COL23A1: variants seen among roughly 807,000 people sequenced by gnomAD.
COL23A1 encodes the protein collagen alpha-1(XXIII) chain.
In COL23A1, 97 loss-of-function variants were observed where a neutral mutation model predicts 99.3. The ratio of observed to expected loss-of-function variants is 0.98; its 90% CI spans 0.83 to 1.16. The LOEUF (loss-of-function observed/expected upper bound fraction) is 1.16, where lower values mean the gene tolerates loss of function less well. COL23A1 is among the 50% of genes most tolerant of loss of function. The pLI is 0.00. For missense variants in COL23A1, 762 were observed against 757.4 expected (o/e 1.01, Z -0.07); for synonymous variants, 320 against 308.2 (o/e 1.04, Z -0.40).
intron 1 of COL23A1, among the ~76,000 whole-genome samples, chr5:178,580,856 C>T (rs1208354409): frequency 6.6e-6 from 1 of 152,162 alleles, no homozygotes; most frequent in East Asian, 1.9e-4. Context: ...AATAACTTTA[C>T]AAATTAGCCA....
At chr5:178,467,259 G>A (rs1756471523) in intron 2 of COL23A1, among the ~76,000 whole-genome samples, 1 of 152,192 alleles carries the variant, frequency 6.6e-6, no homozygotes, top group South Asian at 2.1e-4. Context: ...CCTTTGGGAA[G>A]GTCTGGGACG....
chr5:178,433,315 A>G (rs1163649859), intron 2 of COL23A1, among the ~76,000 whole-genome samples: 1 of 152,118 alleles, frequency 6.6e-6, no homozygotes, highest in Non-Finnish European at 1.5e-5. Flanking sequence ...TACATTTACC[A>G]GCTTAGAAAG....
intron 2 of COL23A1, among the ~76,000 whole-genome samples, chr5:178,446,545 T>A (rs1359754830): frequency 5.3e-5 from 8 of 152,044 alleles, no homozygotes; most frequent in East Asian, 3.9e-4. Flanking sequence ...GGAGAAAAAA[T>A]TTTTTTTCTA....
intron 2 of COL23A1, among the ~76,000 whole-genome samples, chr5:178,471,272 G>A (rs187640971): frequency 2.2e-3 from 331 of 152,094 alleles, no homozygotes; most frequent in African/African-American, 7.6e-3. Flanking sequence ...ACAGAGTCTC[G>A]CTCTTGTCAC....
chr5:178,305,998 C>T (rs111749691), intron 3 of COL23A1, among the ~76,000 whole-genome samples: 13 of 151,810 alleles, frequency 8.6e-5, no homozygotes, highest in African/African-American at 2.2e-4. Context: ...CTCGGGGACC[C>T]GGAGGAGAGG....
chr5:178,399,737 AG>A (rs1259645106), intron 2 of COL23A1, among the ~76,000 whole-genome samples: 1 of 152,220 alleles, frequency 6.6e-6, no homozygotes, highest in Non-Finnish European at 1.5e-5. Flanking sequence ...TGACCAAAGG[AG>A]GGAGGGGAGT....
rs1756920786 is a variant in COL23A1, at chr5:178,281,919, G to A, written c.441+6405C>T. 6.6e-6 allele frequency among the ~76,000 whole-genome samples: 1 copy of A among 151,832 alleles called. No individual in the cohort carries two copies. Among genetic ancestry groups the A allele is most frequent in the Admixed American group, 6.6e-5 (1 of 15,244 alleles). On this transcript the variant is annotated intron_variant, in intron 5 of 28. Coordinates refer to ENST00000390654, the MANE Select transcript of COL23A1 (RefSeq NM_173465.4). This position sits in a 1 kb window ranked among gnomAD's most constrained non-coding sequence, Gnocchi z 4.0. ...ACAAAAAAATCAGCCAGGCGTGGTG[G>A]TGCGTACCTGTAATCCTAGCTACTT...
At chr5:178,501,755 G>A (rs1208073100) in intron 2 of COL23A1, among the ~76,000 whole-genome samples, 2 of 152,148 alleles carry the variant, frequency 1.3e-5, no homozygotes, top group East Asian at 3.9e-4. Context: ...AGGGAGCTGG[G>A]CCTTCATGTG....
chr5:178,401,253 T>C (rs1178594035), intron 2 of COL23A1, among the ~76,000 whole-genome samples: 1 of 152,248 alleles, frequency 6.6e-6, no homozygotes. Flanking sequence ...CATTCATCCA[T>C]TGATGGACAT....
chr5:178,339,603 G>T (rs552025609), intron 2 of COL23A1, among the ~76,000 whole-genome samples: 1 of 152,166 alleles, frequency 6.6e-6, no homozygotes, highest in Non-Finnish European at 1.5e-5. Context: ...CATGTGTGGG[G>T]GAAAATAAGA....
chr5:178,552,973 G>A (rs1361946856), intron 2 of COL23A1, among the ~76,000 whole-genome samples: 1 of 152,096 alleles, frequency 6.6e-6, no homozygotes, highest in Admixed American at 6.5e-5. Flanking sequence ...CTCCCAAAGT[G>A]CTGGGATTAC....
chr5:178,391,247 G>C (rs549424321), intron 2 of COL23A1, among the ~76,000 whole-genome samples: 21 of 152,164 alleles, frequency 1.4e-4, no homozygotes, highest in Non-Finnish European at 2.5e-4. Flanking sequence ...ACCAGTCCAT[G>C]GCACCAAAAA....
chr5:178,469,090 C>T (rs951552227), intron 2 of COL23A1, among the ~76,000 whole-genome samples: 2 of 152,224 alleles, frequency 1.3e-5, no homozygotes, highest in South Asian at 4.1e-4. Flanking sequence ...AATCTCCTTC[C>T]GTCTGAAAGC....
chr5:178,342,513 G>C (rs1760727751), intron 2 of COL23A1, among the ~76,000 whole-genome samples: 1 of 152,206 alleles, frequency 6.6e-6, no homozygotes, highest in Admixed American at 6.5e-5. Flanking sequence ...ACAGGCTGCT[G>C]CTCTGGGTTG....
chr5:178,430,861 G>C (rs192922340), intron 2 of COL23A1, among the ~76,000 whole-genome samples: 97 of 152,244 alleles, frequency 6.4e-4, no homozygotes, highest in Admixed American at 9.8e-4. Flanking sequence ...GGGTACAGAG[G>C]TAGGTGAGTC....
intron 1 of COL23A1, among the ~76,000 whole-genome samples, chr5:178,564,699 T>A (rs1315764192): frequency 6.6e-6 from 1 of 152,196 alleles, no homozygotes; most frequent in Non-Finnish European, 1.5e-5. Context: ...AGGGAAATCC[T>A]GGTTTTTAGA....
At chr5:178,495,744 G>C (rs1389550007) in intron 2 of COL23A1, among the ~76,000 whole-genome samples, 3 of 152,126 alleles carry the variant, frequency 2.0e-5, no homozygotes, top group Admixed American at 2.0e-4. Flanking sequence ...GGCTGAGCTA[G>C]AGAGGCTCAG....
intron 2 of COL23A1, among the ~76,000 whole-genome samples, chr5:178,432,261 C>T (rs991117854): frequency 6.6e-6 from 1 of 152,176 alleles, no homozygotes; most frequent in Non-Finnish European, 1.5e-5. Flanking sequence ...AGAGAAAGCA[C>T]TCCAAGGAAT....
At position 178,434,053 on chromosome 5, in the gene COL23A1, G is replaced by A. The variant is rs188714262; in HGVS notation, c.361+126629C>T. Among the ~76,000 whole-genome samples the A allele has an allele frequency of 1.3e-5, 2 of 152,294 alleles. No homozygotes were observed. Among genetic ancestry groups the A allele is most frequent in the East Asian group, 3.9e-4 (2 of 5,180 alleles). ...TTGATCTCAGAGCTCCAGCCTCCGG[G>A]CCTGAGAAAATAAATGTCCATTGTT... On this transcript the variant is annotated intron_variant, in intron 2 of 28. Coordinates refer to ENST00000390654, the MANE Select transcript of COL23A1 (RefSeq NM_173465.4). The surrounding 1 kb of genome is among the most constrained non-coding windows in gnomAD (Gnocchi z 4.3).
Sources: gnomAD v4.1 joint callset for allele counts (sites outside exome capture counted in the v4.1 genomes callset) on GRCh38, gnomAD v4.1.1 for gene constraint, Gnocchi (gnomAD v3.1) non-coding constraint, MANE v1.5 for transcripts, NCBI Gene and HGNC (gene_info 2026-07-23, HGNC 2026-07-21) for gene names.